Variants in LLGL1 observed in about 807,000 individuals in gnomAD.
The protein encoded by LLGL1 is lethal(2) giant larvae protein homolog 1.
Under a neutral mutation model 110.6 loss-of-function variants are expected in LLGL1, and 58 were observed. The observed-to-expected ratio is 0.52, with a 90% CI of 0.42 to 0.65. The LOEUF (loss-of-function observed/expected upper bound fraction) is 0.65, where lower values mean the gene tolerates loss of function less well. Among genes scored for constraint, LLGL1 ranks in the 30% least tolerant of loss-of-function variants. The probability of loss-of-function intolerance (pLI) is 0.00; values close to 1 mark genes in which losing one functional copy is unlikely to be tolerated. For missense variants in LLGL1, 1,229 were observed against 1,462.1 expected (o/e 0.84, Z 2.60); for synonymous variants, 674 against 607.2 (o/e 1.11, Z -1.62).
At chr17:18,235,673 A>G (rs532991724) in intron 11 of LLGL1, 136 bp downstream of exon 11, 8 of 822,508 alleles carry the variant, frequency 9.7e-6, no homozygotes, top group African/African-American at 5.1e-5. Context: ...TCCTTGCCCA[A>G]GGTGGTTTGG....
rs967150627 is a variant in LLGL1, at chr17:18,234,848, T to C, written c.915T>C (p.Phe305=). ...CTCCCTCTGCACATAGGGGCCACTTTATCATCTTCAGCGGTGGCATGCCCC... is the reference window on the plus strand; with the variant it reads ...CTCCCTCTGCACATAGGGGCCACTTCATCATCTTCAGCGGTGGCATGCCCC... ...LWRNCESGGH[F]IIFSGGMPRA... is the part of the protein sequence containing the mutation. Residue 305 remains phenylalanine, a synonymous_variant, in exon 9 of 23, where the codon TTT becomes TTC. Coordinates refer to ENST00000316843, the MANE Select transcript of LLGL1 (RefSeq NM_004140.4). The C allele has an allele frequency of 1.9e-6, 3 of 1,614,068 alleles. No individual in the cohort carries two copies. The highest frequency in any genetic ancestry group is 1.7e-5 in the Admixed American group (1 of 60,008).
chr17:18,242,651 CA>C (rs746961312), intron 21 of LLGL1, 23 bp downstream of exon 21: 188 of 1,592,312 alleles, frequency 1.2e-4, no homozygotes, highest in Middle Eastern at 5.0e-4. Flanking sequence ...GGCAGGTCCA[CA>C]GGGGGGGCTG....
At position 18,240,928 on chromosome 17, in the gene LLGL1, C is replaced by T; in HGVS notation, c.2502+55C>T. 6.9e-7 allele frequency: 1 copy of T among 1,452,168 alleles called. No individual in the cohort carries two copies. 90.0% of individuals were successfully genotyped at this position (1,452,168 alleles called of 1,614,324 possible). A position where few individuals can be genotyped will look rare whatever the true frequency, so the allele number is the denominator to read the frequency against. ...GGGGGACTCCCCTCCAGGCCCCAAC[C>T]TCATGGACACCATTGGACCCTCAAG... On this transcript the variant is annotated intron_variant, in intron 17 of 22. Coordinates refer to ENST00000316843, the MANE Select transcript of LLGL1 (RefSeq NM_004140.4). The surrounding 1 kb of genome is among the most constrained non-coding windows in gnomAD (Gnocchi z 5.3).
At chr17:18,243,353 C>T (rs1015594314) in intron 22 of LLGL1, among the ~76,000 whole-genome samples, 4 of 152,284 alleles carry the variant, frequency 2.6e-5, no homozygotes, top group Non-Finnish European at 4.4e-5. Flanking sequence ...ATGATCCACC[C>T]GCCTCGGCCT....
rs151016611 is a variant in LLGL1, at chr17:18,235,282, G to A, written c.1254G>A (p.Gln418=). The A allele has an allele frequency of 6.2e-7, 1 of 1,610,438 alleles. No individual in the cohort carries two copies. Among genetic ancestry groups the A allele is most frequent in the East Asian group, 2.2e-5 (1 of 44,892 alleles). The change falls in exon 10 of 23, where the codon CAG becomes CAA. Residue 418 remains glutamine, a synonymous_variant. Transcript: ENST00000316843. ...LWARIVSAGE[Q]QSPQPVSSAL... ...CCCGCATTGTGAGCGCTGGCGAGCA[G>A]CAGAGCCCCCAGCCTGTCTCCAGTG...
rs369393846 is a variant in LLGL1, at chr17:18,241,651, T to C, written c.2703T>C (p.Tyr901=). 3.5e-5 allele frequency: 57 copies of C among 1,613,654 alleles called. No individual in the cohort carries two copies. The highest frequency in any genetic ancestry group is 1.9e-5 in the Non-Finnish European group (22 of 1,180,032). ...CTGGCCTGCGGCCCCAGGTGCACTA[T>C]TCCTGCATCCGGAAGGAGGACATCA... The part of the protein sequence containing the change: ...SVPGLRPQVH[Y]SCIRKEDISG... The change falls in exon 18 of 23, where the codon TAT becomes TAC. Residue 901 remains tyrosine, a synonymous_variant. Coordinates refer to ENST00000316843, the MANE Select transcript of LLGL1 (RefSeq NM_004140.4).
chr17:18,234,705 T>G lies in LLGL1; in HGVS notation c.905+2T>G, dbSNP rs1246331535. The G allele has an allele frequency of 6.2e-7, 1 of 1,613,994 alleles. No individual in the cohort carries two copies. Among genetic ancestry groups the G allele is most frequent in the Admixed American group, 1.7e-5 (1 of 60,004 alleles). ...TCTGTGGCGGAACTGTGAATCTGGG[T>G]AGGTCGAGGGAGTGGGTGTCCGATG... On this transcript the variant is annotated splice_donor_variant, in intron 8 of 22. Coordinates refer to ENST00000316843, the MANE Select transcript of LLGL1 (RefSeq NM_004140.4). LOFTEE classifies it high-confidence loss of function.
chr17:18,229,587 C>T (rs543842032), intron 1 of LLGL1, among the ~76,000 whole-genome samples: 1 of 152,290 alleles, frequency 6.6e-6, no homozygotes, highest in South Asian at 2.1e-4. Flanking sequence ...TCAGTGCCTG[C>T]ACCTCTGTGA....
At chr17:18,233,723 A>G in intron 4 of LLGL1, 55 bp from the exon 5 acceptor site, 1 of 1,559,622 alleles carries the variant, frequency 6.4e-7, no homozygotes, top group Non-Finnish European at 8.7e-7. Context: ...CTCACACCCC[A>G]CCTGAGCAGG....
chr17:18,240,861 G>A lies in LLGL1; in HGVS notation c.2490G>A (p.Glu830=), dbSNP rs373990509. Residue 830 remains glutamate, a synonymous_variant, in exon 17 of 23, where the codon GAG becomes GAA. Coordinates refer to ENST00000316843, the MANE Select transcript of LLGL1 (RefSeq NM_004140.4). The surrounding 1 kb of genome is among the most constrained non-coding windows in gnomAD (Gnocchi z 5.3). The stretch of plus-strand genomic sequence containing the variant: ...GTCACGCTGTGCTCATCGCATCTGA[G>A]GAGCAGTTCAAGGTGAGCCACTGTG... ...QGGHAVLIAS[E]EQFKVFTLPK... The A allele has an allele frequency of 2.6e-6, 4 of 1,534,088 alleles. No homozygotes were observed. In the African/African-American group the frequency reaches 5.5e-5, roughly 21 times the overall value.
chr17:18,235,410 G>T, intron 10 of LLGL1, 60 bp from the exon 11 acceptor site: 1 of 1,608,972 alleles, frequency 6.2e-7, no homozygotes. Flanking sequence ...CATACTCGGG[G>T]TGAGAGGGAG....
intron 15 of LLGL1, 116 bp from the exon 16 acceptor site, chr17:18,238,340 G>C: frequency 6.4e-7 from 1 of 1,570,640 alleles, no homozygotes; most frequent in Non-Finnish European, 8.6e-7. Flanking sequence ...GCCCTCCAGA[G>C]GGATGGGTGA....
chr17:18,242,776 C>G lies in LLGL1; in HGVS notation c.3150C>G (p.Asn1050Lys). Residue 1050 changes from asparagine (N) to lysine (K), a missense_variant, in exon 22 of 23, where the codon AAC becomes AAG. Asn to Lys is a moderately conservative substitution (Grantham distance 94). Transcript: ENST00000316843. ...SSEESEKNLR[N>K]LAEDEAHACA... is the part of the protein sequence containing the mutation. ...AGGAGTCAGAGAAGAACCTGAGGAA[C>G]CTGGCAGAAGACGAGGCCCACGCCT... 2 of 1,568,868 alleles carry G rather than the reference C, an allele frequency of 1.3e-6. No individual in the cohort carries two copies. The highest frequency in any genetic ancestry group is 1.7e-6 in the Non-Finnish European group (2 of 1,156,566).
chr17:18,225,763 G>A lies in LLGL1; in HGVS notation c.81G>A (p.Lys27=), dbSNP rs1370985088. 4 of 1,024,936 alleles carry A rather than the reference G, an allele frequency of 3.9e-6. No individual in the cohort carries two copies. Among genetic ancestry groups the A allele is most frequent in the Non-Finnish European group, 4.7e-6 (4 of 850,900 alleles). 63.5% of individuals were successfully genotyped at this position (1,024,936 alleles called of 1,614,324 possible). A position where few individuals can be genotyped will look rare whatever the true frequency, so the allele number is the denominator to read the frequency against. The change falls in exon 1 of 23, where the codon AAG becomes AAA. Residue 27 remains lysine, a splice_region_variant and synonymous_variant. Coordinates refer to ENST00000316843, the MANE Select transcript of LLGL1 (RefSeq NM_004140.4). ...KLKQELFAFN[K]TVEHGFPNQP... ...AGCAGGAGCTTTTCGCCTTCAACAA[G>A]GTGCGGCGGCGGCCCGGGCCCGGGC...
At chr17:18,230,074 A>T in intron 2 of LLGL1, 36 bp downstream of exon 2, 1 of 1,504,618 alleles carries the variant, frequency 6.6e-7, no homozygotes, top group East Asian at 2.3e-5. Context: ...GGGTCTGTTC[A>T]GGACCACCTG....
intron 1 of LLGL1, among the ~76,000 whole-genome samples, chr17:18,226,470 C>T (rs2047446350): frequency 6.6e-6 from 1 of 152,210 alleles, no homozygotes; most frequent in African/African-American, 2.4e-5. Flanking sequence ...CAAGGAGCCT[C>T]TCCTTCCTTC....
intron 11 of LLGL1, 104 bp downstream of exon 11, chr17:18,235,641 C>T: frequency 8.9e-7 from 1 of 1,118,556 alleles, no homozygotes; most frequent in Non-Finnish European, 1.3e-6. Flanking sequence ...AGGCCTGGCC[C>T]CTGGTGGGAC....
At chr17:18,235,024 C>T in intron 9 of LLGL1, 31 bp downstream of exon 9, 1 of 1,613,888 alleles carries the variant, frequency 6.2e-7, no homozygotes, top group Non-Finnish European at 8.5e-7. Context: ...TACCCTTTCC[C>T]AGCCCCACCT....
chr17:18,232,285 T>C (rs1567687179), intron 2 of LLGL1, among the ~76,000 whole-genome samples: 1 of 152,130 alleles, frequency 6.6e-6, no homozygotes, highest in Non-Finnish European at 1.5e-5. Flanking sequence ...CAGGAGTGAG[T>C]GGAGCCTGCA....
Sources: allele counts gnomAD v4.1 joint callset (sites outside exome capture counted in the v4.1 genomes callset), GRCh38; gene constraint gnomAD v4.1.1; non-coding constraint Gnocchi (gnomAD v3.1); transcripts MANE v1.5; gene names NCBI Gene and HGNC (gene_info 2026-07-23, HGNC 2026-07-21).